Variants in CDON observed in about 807,000 individuals in gnomAD.
The protein encoded by CDON is cell adhesion molecule-related/down-regulated by oncogenes.
Under a neutral mutation model 120.9 loss-of-function variants are expected in CDON, and 73 were observed. The observed-to-expected ratio is 0.60, with a 90% CI of 0.50 to 0.73. The LOEUF is 0.73. Ranked by LOEUF, CDON falls within the 30% of genes least tolerant of loss-of-function variation. The probability of loss-of-function intolerance (pLI) is 0.00; values close to 1 mark genes in which losing one functional copy is unlikely to be tolerated. For missense variants in CDON, 1,470 were observed against 1,587.3 expected, an observed-to-expected ratio of 0.93 and a Z score of 1.26; for synonymous variants, 566 against 573.5, an observed-to-expected ratio of 0.99 and a Z score of 0.19.
At position 126,024,513 on chromosome 11, in the gene CDON, G is replaced by A. The variant is rs144275860; in HGVS notation, c.-61-976C>T. On this transcript the variant is annotated intron_variant, in intron 1 of 19. Coordinates refer to ENST00000531738, the MANE Select transcript of CDON (RefSeq NM_001378964.1). Reference sequence around the variant, plus strand: ...ACAGATGTGTGAAGGATACACTTGGGTTTTGGTGACACAAAATAAATAATA... The same window carrying A: ...ACAGATGTGTGAAGGATACACTTGGATTTTGGTGACACAAAATAAATAATA... Among the ~76,000 whole-genome samples the A allele has an allele frequency of 3.1e-3, 479 of 152,338 alleles. 5 individuals are homozygous for A. In the Middle Eastern group the frequency reaches 0.044, roughly 14 times the overall value.
chr11:126,038,409 A>C (rs1354771054), intron 1 of CDON, among the ~76,000 whole-genome samples: 4 of 152,068 alleles, frequency 2.6e-5, no homozygotes, highest in Admixed American at 6.6e-5. Flanking sequence ...CCCAGCACTT[A>C]GGGGGGCCGA....
chr11:125,978,452 G>T, intron 17 of CDON, 69 bp from the exon 18 acceptor site: 2 of 973,542 alleles, frequency 2.1e-6, no homozygotes, highest in Non-Finnish European at 1.6e-6. Flanking sequence ...CAGACCAGTA[G>T]CCAAATAATC....
At chr11:125,975,321 G>C (rs529741607) in intron 18 of CDON, among the ~76,000 whole-genome samples, 1 of 152,260 alleles carries the variant, frequency 6.6e-6, no homozygotes, top group Non-Finnish European at 1.5e-5. Context: ...TTAGACTATG[G>C]ACTCTCTGAA....
At chr11:126,008,146 T>C (rs1156605027) in intron 8 of CDON, among the ~76,000 whole-genome samples, 1 of 151,882 alleles carries the variant, frequency 6.6e-6, no homozygotes, top group Non-Finnish European at 1.5e-5. Context: ...TTTTAAAGAG[T>C]ACCACACACT....
At chr11:125,983,828 C>T (rs1027727949) in intron 16 of CDON, 44 bp downstream of exon 16, 3 of 1,380,854 alleles carry the variant, frequency 2.2e-6, no homozygotes, top group Admixed American at 1.7e-5. Flanking sequence ...TATTTGTCTA[C>T]CCACCTTTAG....
intron 1 of CDON, among the ~76,000 whole-genome samples, chr11:126,042,488 G>A (rs1948287743): frequency 6.6e-6 from 1 of 152,140 alleles, no homozygotes; most frequent in Non-Finnish European, 1.5e-5. Flanking sequence ...GGATTGTGCA[G>A]AAACATATAT....
At chr11:125,980,583 G>A (rs1946267349) in intron 17 of CDON, among the ~76,000 whole-genome samples, 2 of 152,088 alleles carry the variant, frequency 1.3e-5, no homozygotes, top group South Asian at 4.2e-4. Flanking sequence ...AGTCCATGAC[G>A]ACTGTAAGTG....
chr11:125,966,420 CA>C (rs1296773803), intron 18 of CDON, among the ~76,000 whole-genome samples: 1 of 152,100 alleles, frequency 6.6e-6, no homozygotes, highest in Non-Finnish European at 1.5e-5. Context: ...GACCACGAAG[CA>C]CATCAGTTCC....
rs1429383537 is a variant in CDON, at chr11:126,018,545, A to G, written c.497-72T>C. 15 of 1,281,632 alleles carry G rather than the reference A, an allele frequency of 1.2e-5. No homozygotes were observed. The South Asian group carries it at 1.2e-4, about 10-fold the overall frequency. 79.4% of individuals were successfully genotyped at this position (1,281,632 alleles called of 1,614,324 possible). A position where few individuals can be genotyped will look rare whatever the true frequency, so the allele number is the denominator to read the frequency against. On this transcript the variant is annotated intron_variant, in intron 4 of 19. Transcript: ENST00000531738. ...CACCACAGCACAACTAAAACTCACA[A>G]AGGCTGATCATTATGCTCTATTCCA...
At chr11:126,006,307 C>T (rs1591377985) in intron 8 of CDON, among the ~76,000 whole-genome samples, 1 of 152,244 alleles carries the variant, frequency 6.6e-6, no homozygotes, top group South Asian at 2.1e-4. Context: ...GTTAAACGTT[C>T]TTATTTTTTC....
At chr11:126,041,771 T>C (rs1948269177) in intron 1 of CDON, among the ~76,000 whole-genome samples, 1 of 152,196 alleles carries the variant, frequency 6.6e-6, no homozygotes, top group Non-Finnish European at 1.5e-5. Flanking sequence ...GTAAGGAAAG[T>C]CAATACACTT....
chr11:126,021,463 G>C lies in CDON; in HGVS notation c.134C>G (p.Pro45Arg), dbSNP rs779057166. 2.2e-5 allele frequency: 36 copies of C among 1,613,936 alleles called. No individual in the cohort carries two copies. Among genetic ancestry groups the C allele is most frequent in the Admixed American group, 3.3e-5 (2 of 60,014 alleles). Residue 45 changes from proline (P) to arginine (R), a missense_variant, in exon 3 of 20, where the codon CCT (proline) becomes CGT (arginine). Pro to Arg is a moderately radical substitution (Grantham distance 103). Coordinates refer to ENST00000531738, the MANE Select transcript of CDON (RefSeq NM_001378964.1). ...PLSAVQKLGG[P>R]VVLHCSAQPV... ...TTGAGCAGAACAATGCAGTACTACA[G>C]GTCCACCAAGTTTCTGGACAGCAGA... is the stretch of plus-strand genomic sequence containing the variant.
At chr11:125,982,199 C>T (rs1298985203) in intron 16 of CDON, among the ~76,000 whole-genome samples, 3 of 151,888 alleles carry the variant, frequency 2.0e-5, no homozygotes, top group African/African-American at 7.3e-5. Flanking sequence ...TGGTTTCGAT[C>T]TCCTGACCTC....
At chr11:126,062,947 G>T (rs935867518), upstream of CDON, 1 of 151,918 alleles carries the variant, frequency 6.6e-6, no homozygotes, top group East Asian at 2.0e-4. Context: ...GGCCGGCCCG[G>T]AGCACGCGAG....
rs575540365 is a variant in CDON at position 126,005,227 on chromosome 11, G to A, written c.1851+532C>T. 5.9e-5 allele frequency among the ~76,000 whole-genome samples: 9 copies of A among 151,706 alleles called. No individual in the cohort carries two copies. The South Asian group carries it at 1.3e-3, about 21-fold the overall frequency. ...TAAGGCACGAGAACTGCTGGAACCCGGGAGGCAGCAGTTGCAGTGAGACGA... is the reference window on the plus strand; with the variant it reads ...TAAGGCACGAGAACTGCTGGAACCCAGGAGGCAGCAGTTGCAGTGAGACGA... On this transcript the variant is annotated intron_variant, in intron 9 of 19. Transcript: ENST00000531738.
At chr11:125,966,947 T>C (rs2134364203) in intron 18 of CDON, among the ~76,000 whole-genome samples, 1 of 152,066 alleles carries the variant, frequency 6.6e-6, no homozygotes, top group Middle Eastern at 3.4e-3. Flanking sequence ...TGGGAAAATC[T>C]GTCACCTTCA....
Position 125,959,289 on chromosome 11 carries a change from CA to C in CDON, c.*1652del, listed in dbSNP as rs1378760224. The C allele has an allele frequency of 5.3e-5, 8 of 152,182 alleles. No homozygotes were observed. The highest frequency in any genetic ancestry group is 1.9e-4 in the African/African-American group (8 of 41,438). 9.4% of individuals were successfully genotyped at this position (152,182 alleles called of 1,614,324 possible). A position where few individuals can be genotyped will look rare whatever the true frequency, so the allele number is the denominator to read the frequency against. ...TCCACTGCGATTTCTGGGAAACTAA[CA>C]TTTCTTCACTTCTGCTGGAATTGCT... On this transcript the variant is annotated 3_prime_UTR_variant, in exon 20 of 20. Transcript: ENST00000531738.
intron 1 of CDON, among the ~76,000 whole-genome samples, chr11:126,048,789 T>C (rs1948474835): frequency 6.6e-6 from 1 of 152,176 alleles, no homozygotes; most frequent in Non-Finnish European, 1.5e-5. Context: ...CTGCCACCTA[T>C]GCCTCCCAGG....
chr11:126,011,572 T>C (rs1369914471), intron 7 of CDON, among the ~76,000 whole-genome samples: 2 of 152,256 alleles, frequency 1.3e-5, no homozygotes, highest in Non-Finnish European at 2.9e-5. Flanking sequence ...TATTGGGTCA[T>C]GAATCTTTTC....
Sources: gnomAD v4.1 joint callset for allele counts (sites outside exome capture counted in the v4.1 genomes callset) on GRCh38, gnomAD v4.1.1 for gene constraint, MANE v1.5 for transcripts, NCBI Gene and HGNC (gene_info 2026-07-23, HGNC 2026-07-21) for gene names.